The following ZNF708 variants were observed in gnomAD, a reference collection of about 807,000 sequenced individuals.
ZNF708 encodes the protein ZNF15, ZNF15L1.
A neutral mutation model predicts 47.0 loss-of-function variants in ZNF708; 44 were observed. The observed-to-expected ratio is 0.94, with a 90% confidence interval of 0.74 to 1.20. The LOEUF (loss-of-function observed/expected upper bound fraction) is 1.20. Ranked by LOEUF, ZNF708 falls within the 50% of genes most tolerant of loss-of-function variation. The pLI is 0.00. For synonymous variants in ZNF708, 184 were observed against 218.5 expected (o/e 0.84, Z 1.39); for missense variants, 557 against 656.0 (o/e 0.85, Z 1.65).
chr19:21,329,297 A>G lies in ZNF708; in HGVS notation c.-85T>C. 1 of 1,581,000 alleles carries G rather than the reference A, an allele frequency of 6.3e-7. No homozygotes were observed. Among genetic ancestry groups the G allele is most frequent in the Non-Finnish European group, 8.7e-7 (1 of 1,153,974 alleles). On this transcript the variant is annotated 5_prime_UTR_variant, in exon 1 of 4. Coordinates refer to ENST00000356929, the MANE Select transcript of ZNF708 (RefSeq NM_021269.3). ...ACAGAGCCACAGAGTCTGGGCCTCT[A>G]GGAGCAGAGGACAAACAGCAGTGAA...
chr19:21,301,342 C>T (rs1272649407), intron 3 of ZNF708, among the ~76,000 whole-genome samples: 1 of 151,792 alleles, frequency 6.6e-6, no homozygotes, highest in East Asian at 2.0e-4. Context: ...AGACAGGGTG[C>T]GGTGGCTCAT....
intron 3 of ZNF708, among the ~76,000 whole-genome samples, chr19:21,307,643 C>G (rs529913401): frequency 6.6e-6 from 1 of 151,960 alleles, no homozygotes; most frequent in East Asian, 1.9e-4. Context: ...AAAATCTTTA[C>G]CTTCTGAAAT....
At chr19:21,322,248 C>T (rs1020393979) in intron 1 of ZNF708, among the ~76,000 whole-genome samples, 2 of 151,520 alleles carry the variant, frequency 1.3e-5, no homozygotes, top group Admixed American at 1.3e-4. Flanking sequence ...GTGGTGGCAG[C>T]TGTGGGAAAA....
chr19:21,317,674 T>A (rs1973043518), intron 1 of ZNF708, among the ~76,000 whole-genome samples: 1 of 152,206 alleles, frequency 6.6e-6, no homozygotes, highest in South Asian at 2.1e-4. Flanking sequence ...ACAATCAATC[T>A]GCTTAAGAGA....
At position 21,294,181 on chromosome 19, in the gene ZNF708, T is replaced by A. The variant is rs1483321850; in HGVS notation, c.785A>T (p.Asn262Ile). 3.1e-6 allele frequency: 5 copies of A among 1,610,500 alleles called. No homozygotes were observed. In the East Asian group the frequency reaches 9.0e-5, roughly 29 times the overall value. ...YKCEECGKAF[N>I]RSSNLTKHKI... Reference sequence around the variant, plus strand: ...ATGTTTAGTAAGGTTTGAGGACCGGTTAAAAGCTTTGCCACATTCTTCACA... The same window carrying A: ...ATGTTTAGTAAGGTTTGAGGACCGGATAAAAGCTTTGCCACATTCTTCACA... The change falls in exon 4 of 4, where the codon AAC becomes ATC. Residue 262 changes from asparagine to isoleucine, a missense_variant. By Grantham distance (149) the Asn-to-Ile change is moderately radical. Coordinates refer to ENST00000356929, the MANE Select transcript of ZNF708 (RefSeq NM_021269.3).
Position 21,293,075 on chromosome 19 carries a change from AT to A in ZNF708, c.*198del. The stretch of plus-strand genomic sequence containing the variant: ...TTTAAGTTTTTTTATGTTTAGTAAG[AT>A]TTAGGGACCAGTTAAATGCTTTGCC... On this transcript the variant is annotated 3_prime_UTR_variant, in exon 4 of 4. Transcript: ENST00000356929. The A allele has an allele frequency of 1.4e-6, 1 of 716,218 alleles. No homozygotes were observed. Among genetic ancestry groups the A allele is most frequent in the Non-Finnish European group, 2.3e-6 (1 of 441,124 alleles). 44.4% of individuals were successfully genotyped at this position (716,218 alleles called of 1,614,324 possible). A position where few individuals can be genotyped will look rare whatever the true frequency, so the allele number is the denominator to read the frequency against.
intron 3 of ZNF708, among the ~76,000 whole-genome samples, chr19:21,304,185 A>G (rs890090561): frequency 5.3e-5 from 8 of 151,918 alleles, no homozygotes; most frequent in Admixed American, 2.0e-4. Context: ...GCTTATAATC[A>G]TTGTGGAAGG....
chr19:21,317,195 A>G (rs2928195), intron 1 of ZNF708, among the ~76,000 whole-genome samples: 12 of 151,982 alleles, frequency 7.9e-5, no homozygotes, highest in African/African-American at 2.7e-4. Flanking sequence ...CAGGAAAATC[A>G]CTTGAACACA....
chr19:21,324,988 C>T (rs930994225), intron 1 of ZNF708, among the ~76,000 whole-genome samples: 1 of 152,042 alleles, frequency 6.6e-6, no homozygotes, highest in African/African-American at 2.4e-5. Flanking sequence ...TTCTTGGTAG[C>T]ATTCTTAAAC....
At chr19:21,300,380 C>T (rs1003990358) in intron 3 of ZNF708, among the ~76,000 whole-genome samples, 3 of 151,756 alleles carry the variant, frequency 2.0e-5, no homozygotes, top group Non-Finnish European at 4.4e-5. Flanking sequence ...GTGGTACATG[C>T]CTGTAATCCC....
intron 3 of ZNF708, among the ~76,000 whole-genome samples, chr19:21,298,874 C>G (rs1280613322): frequency 6.6e-6 from 1 of 152,126 alleles, no homozygotes; most frequent in African/African-American, 2.4e-5. Flanking sequence ...CGGAATATCA[C>G]TCAGTTTGCA....
chr19:21,308,568 C>T (rs913455397), intron 3 of ZNF708, among the ~76,000 whole-genome samples: 3 of 151,980 alleles, frequency 2.0e-5, no homozygotes, highest in Admixed American at 1.3e-4. Flanking sequence ...AGTGAGCCAC[C>T]GTGCCCAGCC....
intron 3 of ZNF708, among the ~76,000 whole-genome samples, chr19:21,301,726 G>C (rs2145157181): frequency 6.6e-6 from 1 of 152,250 alleles, no homozygotes; most frequent in Middle Eastern, 3.4e-3. Flanking sequence ...GAACTCGGGA[G>C]GTGGAGATTG....
chr19:21,308,683 T>C (rs537384913), intron 3 of ZNF708, among the ~76,000 whole-genome samples: 1 of 152,104 alleles, frequency 6.6e-6, no homozygotes, highest in Non-Finnish European at 1.5e-5. Flanking sequence ...AGTGATAGGA[T>C]TACAGCTGTG....
rs1244495570 is a variant in ZNF708 at position 21,311,419 on chromosome 19, C to T, written c.4-792G>A. On this transcript the variant is annotated intron_variant, in intron 1 of 3. Transcript: ENST00000356929. Reference sequence around the variant, plus strand: ...TAACCGAAAGAATTATTAACATCAACTGCACTAGGACAAATTTTTATGATG... The same window carrying T: ...TAACCGAAAGAATTATTAACATCAATTGCACTAGGACAAATTTTTATGATG... 2.0e-5 allele frequency among the ~76,000 whole-genome samples: 3 copies of T among 151,372 alleles called. No individual in the cohort carries two copies. In the East Asian group the frequency reaches 5.8e-4, roughly 29 times the overall value.
Position 21,293,880 on chromosome 19 carries a change from T to C in ZNF708, c.1086A>G (p.Lys362=), listed in dbSNP as rs1972459602. ...TGCCACATTCTTCACATTTGTAGGG[T>C]TTCTCTTCAGTATGAATTATCTTAT... is the stretch of plus-strand genomic sequence containing the variant. ...TKHKIIHTEE[K]PYKCEECGKA... is the part of the protein sequence containing the mutation. The change falls in exon 4 of 4, where the codon AAA becomes AAG. Residue 362 remains lysine (K), a synonymous_variant. Coordinates refer to ENST00000356929, the MANE Select transcript of ZNF708 (RefSeq NM_021269.3). 6.2e-7 allele frequency: 1 copy of C among 1,613,302 alleles called. No individual in the cohort carries two copies. The highest frequency in any genetic ancestry group is 8.5e-7 in the Non-Finnish European group (1 of 1,179,804).
intron 3 of ZNF708, among the ~76,000 whole-genome samples, chr19:21,297,272 T>TATATATATATATATATATA (rs1568345582): frequency 3.1e-5 from 1 of 32,652 alleles, no homozygotes; most frequent in Non-Finnish European, 4.9e-5. Flanking sequence ...ATATATATAT[T>TATATATATATATATATATA]TTTTTTTTTT....
At chr19:21,295,715 A>G (rs1972514698) in intron 3 of ZNF708, among the ~76,000 whole-genome samples, 1 of 152,118 alleles carries the variant, frequency 6.6e-6, no homozygotes. Flanking sequence ...ATTGCACTCC[A>G]GCCTGGGCAA....
chr19:21,321,988 C>A (rs1438004214), intron 1 of ZNF708, among the ~76,000 whole-genome samples: 1 of 152,136 alleles, frequency 6.6e-6, no homozygotes, highest in Non-Finnish European at 1.5e-5. Flanking sequence ...TCTGTTCATA[C>A]AGGCAGGTGA....
Sources: allele counts gnomAD v4.1 joint callset (sites outside exome capture counted in the v4.1 genomes callset), GRCh38; gene constraint gnomAD v4.1.1; transcripts MANE v1.5; gene names NCBI Gene and HGNC (gene_info 2026-07-23, HGNC 2026-07-21).